Variants in FSD1 observed in about 807,000 individuals in gnomAD.
FSD1 encodes the protein fibronectin type III and SPRY domain-containing protein 1.
Under a neutral mutation model 58.2 loss-of-function variants are expected in FSD1, and 23 were observed. The observed-to-expected ratio is 0.40, with a 90% CI of 0.28 to 0.56. The LOEUF (loss-of-function observed/expected upper bound fraction) is 0.56. Among genes scored for constraint, FSD1 ranks in the 20% least tolerant of loss-of-function variants. The pLI is 0.54. For missense variants in FSD1, 563 were observed against 670.8 expected (o/e 0.84, Z 1.78); for synonymous variants, 265 against 263.4 (o/e 1.01, Z -0.06).
Position 4,318,916 on chromosome 19 carries a change from G to A in FSD1, c.1004G>A (p.Arg335Gln), listed in dbSNP as rs991859124. The change falls in exon 10 of 13, where the codon CGG (arginine) becomes CAG (glutamine). Residue 335 changes from arginine (R) to glutamine (Q), a missense_variant. Physicochemically the swap from Arg to Gln is conservative, Grantham distance 43. Transcript: ENST00000221856. ...AGGATGCCCTCAGGTCGTGGGGGAC[G>A]GGACCGCTTCACCGCTGAGTCCTAC... ...PKRMPSGRGG[R>Q]DRFTAESYTV... 1.9e-6 allele frequency: 3 copies of A among 1,613,484 alleles called. No homozygotes were observed. Among genetic ancestry groups the A allele is most frequent in the Non-Finnish European group, 1.7e-6 (2 of 1,179,976 alleles).
chr19:4,312,116 G>A (rs997278165), intron 7 of FSD1, 65 bp downstream of exon 7: 45 of 1,381,176 alleles, frequency 3.3e-5, no homozygotes, highest in East Asian at 4.9e-5. Flanking sequence ...CTCCCGTCTC[G>A]CCATCAGTCA....
chr19:4,304,841 A>AAC, intron 1 of FSD1, 80 bp downstream of exon 1: 1 of 312,798 alleles, frequency 3.2e-6, no homozygotes. Flanking sequence ...CAGCGCCCCC[A>AAC]CTCCCTCCCC....
rs117661119 is a variant in FSD1, at chr19:4,319,630, G to A, written c.1039+679G>A. Among the ~76,000 whole-genome samples, 718 of 152,232 alleles carry A rather than the reference G, an allele frequency of 4.7e-3. 4 individuals are homozygous for A. The highest frequency in any genetic ancestry group is 0.02 in the Middle Eastern group (6 of 294). ...AAGCTAGGGCCTAAGGGGAAGTTAT[G>A]GTTCTATGGGGATCTAAATTTTCCT... On this transcript the variant is annotated intron_variant, in intron 10 of 12. Transcript: ENST00000221856.
chr19:4,319,320 T>C (rs1971789728), intron 10 of FSD1, among the ~76,000 whole-genome samples: 1 of 151,828 alleles, frequency 6.6e-6, no homozygotes, highest in Non-Finnish European at 1.5e-5. Context: ...ACTGGGTTTG[T>C]GGGGGAGCTG....
At chr19:4,304,813 G>A (rs1971598187) in intron 1 of FSD1, 52 bp downstream of exon 1, 1 of 519,848 alleles carries the variant, frequency 1.9e-6, no homozygotes, top group East Asian at 4.0e-5. Flanking sequence ...GGGCGGGGAA[G>A]GGGACCAGGT....
chr19:4,311,908 G>T lies in FSD1; in HGVS notation c.557G>T (p.Trp186Leu), dbSNP rs766812292. ...GCAGATAACTGTGTGACCCTGGTGT[G>T]GCGCATGCCGGATGAGGACAGCAAG... ...LVADNCVTLV[W>L]RMPDEDSKID... The change falls in exon 7 of 13, where the codon TGG becomes TTG. Residue 186 changes from tryptophan to leucine, a missense_variant. By Grantham distance (61) the Trp-to-Leu change is moderately conservative (BLOSUM62 -2). Transcript: ENST00000221856. 1.8e-5 allele frequency: 29 copies of T among 1,614,076 alleles called. 1 individual carries two copies. The highest frequency in any genetic ancestry group is 2.5e-5 in the Non-Finnish European group (29 of 1,180,046).
intron 10 of FSD1, 133 bp from the exon 11 acceptor site, chr19:4,322,853 G>C: frequency 8.9e-7 from 1 of 1,124,558 alleles, no homozygotes; most frequent in South Asian, 1.6e-5. Context: ...GTACAGCTAG[G>C]AACCTGGGGA....
chr19:4,322,731 C>A (rs1470989883), intron 10 of FSD1, among the ~76,000 whole-genome samples: 2 of 151,840 alleles, frequency 1.3e-5, no homozygotes, highest in African/African-American at 4.8e-5. Context: ...AGCTGGGGCC[C>A]AAGGAGTATC....
At chr19:4,312,532 G>T (rs559752821) in intron 7 of FSD1, among the ~76,000 whole-genome samples, 1 of 151,144 alleles carries the variant, frequency 6.6e-6, no homozygotes, top group Admixed American at 6.6e-5. Flanking sequence ...GGCCGGGCGC[G>T]GTAGCTCACG....
chr19:4,308,085 C>A (rs757403247), intron 4 of FSD1, 102 bp downstream of exon 4: 2 of 873,356 alleles, frequency 2.3e-6, no homozygotes, highest in African/African-American at 1.7e-5. Flanking sequence ...CCCACCCATG[C>A]GATAGTTGGC....
chr19:4,311,816 C>G, intron 6 of FSD1, 26 bp from the exon 7 acceptor site: 1 of 1,610,248 alleles, frequency 6.2e-7, no homozygotes, highest in Non-Finnish European at 8.5e-7. Flanking sequence ...AGAATCCCGA[C>G]CCCCTCTCCT....
chr19:4,312,451 A>G (rs1971703972), intron 7 of FSD1, among the ~76,000 whole-genome samples: 1 of 151,518 alleles, frequency 6.6e-6, no homozygotes, highest in Non-Finnish European at 1.5e-5. Flanking sequence ...AGATCGCGCT[A>G]TTGCACTCCA....
chr19:4,323,244 C>G lies in FSD1; in HGVS notation c.1291+7C>G. On this transcript the variant is annotated splice_region_variant and intron_variant, in intron 11 of 12. Transcript: ENST00000221856. This position sits in a 1 kb window ranked among gnomAD's most constrained non-coding sequence, Gnocchi z 7.7. ...CACTGTGACTTCCACCAAGGTGACC[C>G]CAAGCCCCAGCTGCCGTCTCTGGCT... 5 of 1,605,160 alleles carry G rather than the reference C, an allele frequency of 3.1e-6. No individual in the cohort carries two copies. The highest frequency in any genetic ancestry group is 4.2e-6 in the Non-Finnish European group (5 of 1,178,802).
At chr19:4,306,115 C>G in intron 2 of FSD1, 74 bp downstream of exon 2, 1 of 1,605,158 alleles carries the variant, frequency 6.2e-7, no homozygotes, top group South Asian at 1.1e-5. Flanking sequence ...TAGGAACTGG[C>G]CCATTGCTGT....
Position 4,323,673 on chromosome 19 carries a change from T to C in FSD1, c.*30T>C, listed in dbSNP as rs1971733657. On this transcript the variant is annotated 3_prime_UTR_variant, in exon 13 of 13. Coordinates refer to ENST00000221856, the MANE Select transcript of FSD1 (RefSeq NM_024333.3). This position sits in a 1 kb window ranked among gnomAD's most constrained non-coding sequence, Gnocchi z 7.7. Reference sequence around the variant, plus strand: ...CCAGGCACCCACCCAGCTGGGGTGTTTTTGGGGGAGTCGCCGCCAAGCCCA... The same window carrying C: ...CCAGGCACCCACCCAGCTGGGGTGTCTTTGGGGGAGTCGCCGCCAAGCCCA... The C allele has an allele frequency of 6.6e-7, 1 of 1,525,376 alleles. No individual in the cohort carries two copies. 94.5% of individuals were successfully genotyped at this position (1,525,376 alleles called of 1,614,324 possible). A position where few individuals can be genotyped will look rare whatever the true frequency, so the allele number is the denominator to read the frequency against.
intron 6 of FSD1, chr19:4,311,442 G>A (rs767610190): frequency 1.3e-4 from 25 of 186,358 alleles, no homozygotes; most frequent in Admixed American, 1.2e-3. Context: ...AGCACTTTGG[G>A]AGGCCGAGGC....
chr19:4,310,693 G>A lies in FSD1; in HGVS notation c.490+97G>A, dbSNP rs763488118. On this transcript the variant is annotated intron_variant, in intron 6 of 12. Transcript: ENST00000221856. The stretch of plus-strand genomic sequence containing the variant: ...GGACCTGGAGTATGGTGGACGACCC[G>A]GTGTCTGAATTCCGCCTGGGGGAGG... The A allele has an allele frequency of 1.3e-5, 18 of 1,400,676 alleles. 1 individual carries two copies. Among genetic ancestry groups the A allele is most frequent in the African/African-American group, 8.5e-5 (6 of 70,236 alleles). 86.8% of individuals were successfully genotyped at this position (1,400,676 alleles called of 1,614,324 possible). A position where few individuals can be genotyped will look rare whatever the true frequency, so the allele number is the denominator to read the frequency against.
Position 4,318,950 on chromosome 19 carries a change from G to A in FSD1, c.1038G>A (p.Leu346=), listed in dbSNP as rs1484740673. The change falls in exon 10 of 13, where the codon CTG becomes CTA. Residue 346 remains leucine (L), a splice_region_variant and synonymous_variant. Transcript: ENST00000221856. ...TCACCGCTGAGTCCTACACAGTTCT[G>A]GGTAAGGAAGGGGAGAAGAAAGGGG... The part of the protein sequence containing the change: ...DRFTAESYTV[L]GDTLIDGGEH... 6.2e-7 allele frequency: 1 copy of A among 1,612,818 alleles called. No homozygotes were observed.
Position 4,318,881 on chromosome 19 carries a change from A to G in FSD1, c.969A>G (p.Pro323=). The G allele has an allele frequency of 6.2e-7, 1 of 1,613,574 alleles. No individual in the cohort carries two copies. Among genetic ancestry groups the G allele is most frequent in the Non-Finnish European group, 8.5e-7 (1 of 1,179,848 alleles). ...TCCCTGCCCACCACAGAGGTACTCC[A>G]TCTCCCAAGAGGATGCCCTCAGGTC... The part of the protein sequence containing the change: ...SPINSPARGT[P]SPKRMPSGRG... Residue 323 remains proline, a synonymous_variant, in exon 10 of 13, where the codon CCA becomes CCG. Transcript: ENST00000221856.
Sources: gnomAD v4.1 joint callset for allele counts (sites outside exome capture counted in the v4.1 genomes callset) on GRCh38, gnomAD v4.1.1 for gene constraint, Gnocchi (gnomAD v3.1) non-coding constraint, MANE v1.5 for transcripts, NCBI Gene and HGNC (gene_info 2026-07-23, HGNC 2026-07-21) for gene names.